The following CUL1 variants were observed in gnomAD, a reference collection of about 807,000 sequenced individuals.
CUL1 encodes cullin-1.
In CUL1, 24 loss-of-function variants were observed where a neutral mutation model predicts 118.0. The observed-to-expected ratio is 0.20, with a 90% CI of 0.15 to 0.29. CUL1 has a LOEUF of 0.29. CUL1 is among the 10% of genes least tolerant of loss of function. The pLI, the probability that CUL1 is intolerant of heterozygous loss-of-function variation, is 1.00. For missense variants in CUL1, 361 were observed against 933.8 expected, an observed-to-expected ratio of 0.39 and a Z score of 7.99; for synonymous variants, 332 against 340.4, an observed-to-expected ratio of 0.98 and a Z score of 0.27.
At chr7:148,799,970 C>G (rs1801332125) in intron 21 of CUL1, among the ~76,000 whole-genome samples, 1 of 152,128 alleles carries the variant, frequency 6.6e-6, no homozygotes, top group South Asian at 2.1e-4. Flanking sequence ...GGTAACTAAG[C>G]AGGACTTTCC....
intron 1 of CUL1, among the ~76,000 whole-genome samples, chr7:148,702,390 T>C (rs1228988240): frequency 6.6e-6 from 1 of 152,198 alleles, no homozygotes; most frequent in Non-Finnish European, 1.5e-5. Flanking sequence ...TCCTCGTTTT[T>C]AAAATGAGAT....
At position 148,742,327 on chromosome 7, in the gene CUL1, CA is replaced by C. The variant is rs1295846481; in HGVS notation, c.141-11646del. ...ATCATGGTAGAAGGCAAAGGAGAAG[CA>C]AAGTCATGTCTTACATGGCAGTAGG... On this transcript the variant is annotated intron_variant, in intron 2 of 21. Transcript: ENST00000325222. Among the ~76,000 whole-genome samples, 5 of 152,282 alleles carry C rather than the reference CA, an allele frequency of 3.3e-5. No individual in the cohort carries two copies. In the South Asian group the frequency reaches 8.3e-4, roughly 25 times the overall value.
At chr7:148,744,432 GTGTGTGAA>G (rs1306654178) in intron 2 of CUL1, among the ~76,000 whole-genome samples, 2 of 150,974 alleles carry the variant, frequency 1.3e-5, no homozygotes, top group African/African-American at 4.9e-5. Flanking sequence ...GTGTGTGTGT[GTGTGTGAA>G]AGAGAAGAAG....
intron 9 of CUL1, among the ~76,000 whole-genome samples, chr7:148,772,624 C>T (rs1029888): frequency 0.78 from 119,079 of 152,068 alleles, 47,413 homozygotes; most frequent in African/African-American, 0.93. Flanking sequence ...ATGTCAAGAA[C>T]TCTGAATTAG....
At chr7:148,750,917 G>C (rs1211973323) in intron 2 of CUL1, among the ~76,000 whole-genome samples, 1 of 151,720 alleles carries the variant, frequency 6.6e-6, no homozygotes, top group Non-Finnish European at 1.5e-5. Flanking sequence ...GCAGTAGCCT[G>C]CTATGATCAT....
At chr7:148,704,379 T>A (rs975730072) in intron 1 of CUL1, among the ~76,000 whole-genome samples, 2 of 152,138 alleles carry the variant, frequency 1.3e-5, no homozygotes, top group Non-Finnish European at 2.9e-5. Flanking sequence ...AAGAGTGTAA[T>A]TTAATATGAT....
intron 17 of CUL1, 110 bp from the exon 18 acceptor site, chr7:148,797,702 A>AT (rs10559092): frequency 0.028 from 18,594 of 661,616 alleles, 9 homozygotes; most frequent in South Asian, 0.046. Flanking sequence ...CTTTTGGGTG[A>AT]TTTTTTTTTT....
In CUL1 at chr7:148,766,654, C is replaced by A; in HGVS notation, c.883C>A (p.Leu295Ile). 6.2e-7 allele frequency: 1 copy of A among 1,613,384 alleles called. No homozygotes were observed. The highest frequency in any genetic ancestry group is 8.5e-7 in the Non-Finnish European group (1 of 1,179,684). The change falls in exon 8 of 22, where the codon CTC (leucine) becomes ATC (isoleucine). Residue 295 changes from leucine (L) to isoleucine (I), a missense_variant. Around this residue, in one of 7 missense-constraint regions of CUL1, gnomAD observed 169 missense variants for 429.7 expected, o/e 0.39. Transcript: ENST00000325222. Reference sequence around the variant, plus strand: ...ATTAGCAAGGAAATGTGAACAAGTCCTCATTGAAAAACACTTGGAAATTTT... The same window carrying A: ...ATTAGCAAGGAAATGTGAACAAGTCATCATTGAAAAACACTTGGAAATTTT... The part of the protein sequence containing the change: ...DELARKCEQV[L>I]IEKHLEIFHT...
intron 9 of CUL1, among the ~76,000 whole-genome samples, chr7:148,769,617 G>A (rs1160475768): frequency 6.6e-6 from 1 of 152,196 alleles, no homozygotes. Context: ...TGGGAAGTCT[G>A]TTATTTCATC....
At chr7:148,735,757 C>T (rs537506289) in intron 2 of CUL1, among the ~76,000 whole-genome samples, 56 of 151,744 alleles carry the variant, frequency 3.7e-4, no homozygotes, top group African/African-American at 1.3e-3. Context: ...CTATCCTTCT[C>T]GTGTGTGTGT....
In CUL1 at chr7:148,730,047, A is replaced by G; in HGVS notation, c.-76A>G. On this transcript the variant is annotated 5_prime_UTR_variant, in exon 2 of 22. In the 5' UTR this introduces an upstream ATG that the reference lacks. Coordinates refer to ENST00000325222, the MANE Select transcript of CUL1 (RefSeq NM_003592.3). ...GAATAAATTTGGAATGGTACTGTAT[A>G]TTTTCATCTAATGGAGAACTAGCTG... is the stretch of plus-strand genomic sequence containing the variant. 1 of 1,510,294 alleles carries G rather than the reference A, an allele frequency of 6.6e-7. No individual in the cohort carries two copies. The highest frequency in any genetic ancestry group is 9.0e-7 in the Non-Finnish European group (1 of 1,114,348). The allele number at this position is 1,510,294 out of a possible 1,614,324, so 93.6% of individuals were successfully genotyped here.
chr7:148,783,930 G>A lies in CUL1; in HGVS notation c.1191+40G>A, dbSNP rs748207903. 8.7e-6 allele frequency: 14 copies of A among 1,613,230 alleles called. No individual in the cohort carries two copies. In the Admixed American group the frequency reaches 2.2e-4, roughly 25 times the overall value. On this transcript the variant is annotated intron_variant, in intron 10 of 21. Transcript: ENST00000325222. ...GTTGTGACTTGCCTGTAGTATGTAT[G>A]GATGGGGCGTTTGTCTCTAACTATA...
chr7:148,754,601 A>T (rs1453122708), intron 3 of CUL1, among the ~76,000 whole-genome samples: 1 of 152,242 alleles, frequency 6.6e-6, no homozygotes, highest in Admixed American at 6.5e-5. Flanking sequence ...GCAAATATGT[A>T]TTCAAATTAT....
At chr7:148,698,215 T>G (rs1447857111), upstream of CUL1, 1 of 152,218 alleles carries the variant, frequency 6.6e-6, no homozygotes, top group Non-Finnish European at 1.5e-5. Flanking sequence ...CCTCTGACTT[T>G]CTGATCTGGG....
intron 9 of CUL1, among the ~76,000 whole-genome samples, chr7:148,779,464 A>C (rs886359250): frequency 1.3e-5 from 2 of 152,200 alleles, no homozygotes; most frequent in Non-Finnish European, 2.9e-5. Flanking sequence ...GAGATGGAGA[A>C]AAGAGTTAGA....
chr7:148,723,789 C>CTTTTT (rs3059219), intron 1 of CUL1, among the ~76,000 whole-genome samples: 1 of 145,152 alleles, frequency 6.9e-6, no homozygotes, highest in Non-Finnish European at 1.5e-5. Context: ...CAGCACAGAT[C>CTTTTT]TTTTTTTTTT....
intron 1 of CUL1, among the ~76,000 whole-genome samples, chr7:148,717,394 A>G (rs1203997627): frequency 6.6e-6 from 1 of 152,220 alleles, no homozygotes; most frequent in African/African-American, 2.4e-5. Context: ...TCTGGAATCC[A>G]GAAATAAATT....
At chr7:148,717,511 G>A (rs900845402) in intron 1 of CUL1, among the ~76,000 whole-genome samples, 3 of 151,500 alleles carry the variant, frequency 2.0e-5, no homozygotes, top group Admixed American at 1.3e-4. Flanking sequence ...GCTTTGTGTC[G>A]CCTGTGTCTT....
intron 2 of CUL1, among the ~76,000 whole-genome samples, chr7:148,748,263 GT>G (rs1248981874): frequency 6.6e-6 from 1 of 152,044 alleles, no homozygotes; most frequent in Non-Finnish European, 1.5e-5. Context: ...ACTAGACTCA[GT>G]TTTTTTAAAA....
Sources: allele counts gnomAD v4.1 joint callset (sites outside exome capture counted in the v4.1 genomes callset), GRCh38; gene constraint gnomAD v4.1.1; regional missense constraint gnomAD v4.1.1; transcripts MANE v1.5; gene names NCBI Gene and HGNC (gene_info 2026-07-23, HGNC 2026-07-21).